Variants in TMEM184B observed in about 807,000 individuals in gnomAD.
The protein encoded by TMEM184B is putative MAPK-activating protein FM08.
In TMEM184B, 17 loss-of-function variants were observed where a neutral mutation model predicts 41.8. The ratio of observed to expected loss-of-function variants is 0.41; its 90% CI spans 0.28 to 0.61. TMEM184B has a LOEUF of 0.61. Among genes scored for constraint, TMEM184B ranks in the 20% least tolerant of loss-of-function variants. The pLI, the probability that TMEM184B is intolerant of heterozygous loss-of-function variation, is 0.34. For synonymous variants in TMEM184B, 240 were observed against 229.5 expected (o/e 1.05, Z -0.41); for missense variants, 393 against 557.8 (o/e 0.70, Z 2.98).
At chr22:38,228,743 C>T (rs1366331264) in intron 5 of TMEM184B, among the ~76,000 whole-genome samples, 2 of 152,168 alleles carry the variant, frequency 1.3e-5, no homozygotes, top group South Asian at 2.1e-4. Context: ...AGGAAGAGGC[C>T]TCTTTTGTTC....
intron 1 of TMEM184B, 54 bp downstream of exon 1, chr22:38,272,830 G>C (rs1479165806): frequency 1.0e-6 from 1 of 966,250 alleles, no homozygotes; most frequent in East Asian, 1.3e-4. Context: ...CCCCGCGCTC[G>C]GGAGTCGCAG....
chr22:38,241,131 G>A (rs891671694), intron 3 of TMEM184B, among the ~76,000 whole-genome samples: 4 of 152,238 alleles, frequency 2.6e-5, no homozygotes, highest in South Asian at 2.1e-4. Flanking sequence ...GCTGAGCAGC[G>A]GGAGCCTGGA....
chr22:38,256,794 C>A (rs2092286834), intron 1 of TMEM184B, among the ~76,000 whole-genome samples: 2 of 152,148 alleles, frequency 1.3e-5, no homozygotes, highest in Admixed American at 1.3e-4. Flanking sequence ...ATGTTAAATA[C>A]TTCGGTGTGC....
chr22:38,231,402 A>C, intron 3 of TMEM184B, 68 bp from the exon 4 acceptor site: 1 of 1,266,438 alleles, frequency 7.9e-7, no homozygotes, highest in Non-Finnish European at 1.2e-6. Context: ...CTGGGATTCT[A>C]AACAGCAATG....
At chr22:38,219,034 C>T (rs1193003079), downstream of TMEM184B, among the ~76,000 whole-genome samples, 1 of 152,214 alleles carries the variant, frequency 6.6e-6, no homozygotes, top group East Asian at 1.9e-4. Flanking sequence ...ACCTGGTTGA[C>T]CAAACAGGGA....
intron 1 of TMEM184B, among the ~76,000 whole-genome samples, chr22:38,259,323 C>T (rs1267143908): frequency 1.3e-5 from 2 of 152,196 alleles, no homozygotes; most frequent in African/African-American, 4.8e-5. Context: ...TGTTGACATC[C>T]TAACCCCCAG....
In TMEM184B at chr22:38,247,934, G is replaced by C; in HGVS notation, c.28C>G (p.Pro10Ala). MTVRGDVLA[P>A]DPASPTTAAA... is the part of the protein sequence containing the mutation. Reference sequence around the variant, plus strand: ...GCGGTCGTGGGCGACGCTGGATCCGGGGCCAGCACATCCCCCCTCACTGTC... The same window carrying C: ...GCGGTCGTGGGCGACGCTGGATCCGCGGCCAGCACATCCCCCCTCACTGTC... The change falls in exon 2 of 9, where the codon CCG becomes GCG. Residue 10 changes from proline to alanine, a missense_variant. By Grantham distance (27) the Pro-to-Ala change is conservative. Transcript: ENST00000361906. 1 of 1,591,738 alleles carries C rather than the reference G, an allele frequency of 6.3e-7. No individual in the cohort carries two copies. The highest frequency in any genetic ancestry group is 1.3e-5 in the African/African-American group (1 of 74,880).
At chr22:38,267,604 T>C (rs1290254361) in intron 1 of TMEM184B, among the ~76,000 whole-genome samples, 1 of 152,112 alleles carries the variant, frequency 6.6e-6, no homozygotes, top group Non-Finnish European at 1.5e-5. Flanking sequence ...GGCTGATTTT[T>C]GTATTTTTAG....
rs73427618 is a variant in TMEM184B, at chr22:38,231,470, T to C, written c.359-136A>G. 0.014 allele frequency: 11,181 copies of C among 794,322 alleles called. 770 individuals carry two copies. The African/African-American group carries it at 0.16, about 11-fold the overall frequency. The allele number at this position is 794,322 out of a possible 1,614,324, so 49.2% of individuals were successfully genotyped here. On this transcript the variant is annotated intron_variant, in intron 3 of 8. Transcript: ENST00000361906. ...AGGGAGGAGGCTGGGGGACATAAGG[T>C]TGTGCAAAAGGAGCCCGTCAAGAAC...
intron 1 of TMEM184B, among the ~76,000 whole-genome samples, chr22:38,266,340 C>A (rs2092443406): frequency 6.6e-6 from 1 of 152,248 alleles, no homozygotes; most frequent in South Asian, 2.1e-4. Flanking sequence ...TAAAGGCGTT[C>A]AAATCAAGGA....
chr22:38,217,554 A>G (rs1460433212), downstream of TMEM184B, among the ~76,000 whole-genome samples: 2 of 152,074 alleles, frequency 1.3e-5, no homozygotes, highest in African/African-American at 2.4e-5. Context: ...AGGCAGGAGA[A>G]TGGTGTGAAG....
Position 38,225,372 on chromosome 22 carries a change from C to T in TMEM184B, c.787+52G>A, listed in dbSNP as rs1451585720. 20 of 1,506,010 alleles carry T rather than the reference C, an allele frequency of 1.3e-5. No individual in the cohort carries two copies. Among genetic ancestry groups the T allele is most frequent in the African/African-American group, 2.8e-5 (2 of 70,558 alleles). 93.3% of individuals were successfully genotyped at this position (1,506,010 alleles called of 1,614,324 possible). ...CATAAGCAGAAGGGGCAGCAGGAAG[C>T]GCAGAGGACAGGGTGGCATGGGCAG... On this transcript the variant is annotated intron_variant, in intron 7 of 8. Coordinates refer to ENST00000361906, the MANE Select transcript of TMEM184B (RefSeq NM_012264.5). The surrounding 1 kb of genome is among the most constrained non-coding windows in gnomAD (Gnocchi z 4.4).
At position 38,220,309 on chromosome 22, in the gene TMEM184B, G is replaced by T; in HGVS notation, c.*1160C>A. 1 of 986,130 alleles carries T rather than the reference G, an allele frequency of 1.0e-6. No homozygotes were observed. Among genetic ancestry groups the T allele is most frequent in the Non-Finnish European group, 1.2e-6 (1 of 830,150 alleles). 61.1% of individuals were successfully genotyped at this position (986,130 alleles called of 1,614,324 possible). On this transcript the variant is annotated 3_prime_UTR_variant, in exon 9 of 9. Transcript: ENST00000361906. ...CTGCAGGATCCTGCGAGTGCCAGCA[G>T]CTGAACTAAGAGCCCCAGGGAGCGT...
chr22:38,233,953 C>T (rs560635625), intron 3 of TMEM184B, among the ~76,000 whole-genome samples: 6 of 152,050 alleles, frequency 3.9e-5, no homozygotes, highest in Non-Finnish European at 5.9e-5. Context: ...ATTTGTAGTA[C>T]AGACAGGGTT....
At chr22:38,242,376 G>A (rs981140214) in intron 3 of TMEM184B, among the ~76,000 whole-genome samples, 1 of 152,132 alleles carries the variant, frequency 6.6e-6, no homozygotes, top group African/African-American at 2.4e-5. Flanking sequence ...TACTCGAGAG[G>A]CTGAGGCAGG....
downstream of TMEM184B, among the ~76,000 whole-genome samples, chr22:38,217,107 ATT>A (rs1210094780): frequency 4.0e-5 from 6 of 151,810 alleles, no homozygotes; most frequent in Admixed American, 2.6e-4. Context: ...CGGGTGGATC[ATT>A]TGAGGTCAGG....
At chr22:38,218,788 C>G (rs1343349507), downstream of TMEM184B, among the ~76,000 whole-genome samples, 1 of 152,234 alleles carries the variant, frequency 6.6e-6, no homozygotes, top group Admixed American at 6.5e-5. Flanking sequence ...CCCACCCACA[C>G]CGCATTCCTG....
intron 1 of TMEM184B, among the ~76,000 whole-genome samples, chr22:38,270,696 C>T (rs762518911): frequency 5.3e-5 from 8 of 152,230 alleles, no homozygotes; most frequent in Admixed American, 2.6e-4. Flanking sequence ...AACTCCCACA[C>T]CAGATCCCCA....
At chr22:38,263,060 G>T (rs2092394111) in intron 1 of TMEM184B, among the ~76,000 whole-genome samples, 1 of 152,070 alleles carries the variant, frequency 6.6e-6, no homozygotes, top group South Asian at 2.1e-4. Context: ...GTACCACCAT[G>T]TCTGGCTAAT....
Sources: gnomAD v4.1 joint callset for allele counts (sites outside exome capture counted in the v4.1 genomes callset) on GRCh38, gnomAD v4.1.1 for gene constraint, Gnocchi (gnomAD v3.1) non-coding constraint, MANE v1.5 for transcripts, NCBI Gene and HGNC (gene_info 2026-07-23, HGNC 2026-07-21) for gene names.